CHST15: variants seen among roughly 807,000 people sequenced by gnomAD.
The protein encoded by CHST15 is B cell RAG associated protein (GALNAC4S-6ST).
In CHST15, 30 loss-of-function variants were observed where a neutral mutation model predicts 53.6. The observed-to-expected ratio is 0.56, with a 90% CI of 0.42 to 0.76. The LOEUF is 0.76. Among genes scored for constraint, CHST15 ranks in the 30% least tolerant of loss-of-function variants. CHST15 has a pLI of 0.00. For missense variants in CHST15, 627 were observed against 740.5 expected (o/e 0.85, Z 1.78); for synonymous variants, 296 against 289.8 (o/e 1.02, Z -0.22).
intron 3 of CHST15, among the ~76,000 whole-genome samples, chr10:124,044,135 G>A (rs1427646683): frequency 2.1e-5 from 3 of 141,670 alleles, no homozygotes; most frequent in Admixed American, 8.1e-5. Flanking sequence ...CAGAGCAGAG[G>A]ACCGGCACAG....
intron 6 of CHST15, chr10:124,020,165 C>T (rs28711893): frequency 0.033 from 32,800 of 985,508 alleles, 1,024 homozygotes; most frequent in East Asian, 0.26. Flanking sequence ...CAAGAATGAA[C>T]GCAGGAATGC....
At chr10:124,014,766 C>T (rs1946534583) in intron 6 of CHST15, among the ~76,000 whole-genome samples, 1 of 152,168 alleles carries the variant, frequency 6.6e-6, no homozygotes, top group African/African-American at 2.4e-5. Context: ...TTGTGGCAGG[C>T]TGGGGTGTTT....
intron 1 of CHST15, among the ~76,000 whole-genome samples, chr10:124,080,059 ATGTTGGGGTTTTGCTT>A (rs1428991563): frequency 6.6e-6 from 1 of 152,046 alleles, no homozygotes; most frequent in Admixed American, 6.5e-5. Context: ...GAGGACAGGG[ATGTTGGGGTTTTGCTT>A]TGTTTTTTGC....
At chr10:124,071,914 C>A (rs1948928591) in intron 1 of CHST15, among the ~76,000 whole-genome samples, 1 of 152,248 alleles carries the variant, frequency 6.6e-6, no homozygotes, top group Admixed American at 6.5e-5. Context: ...GAGCAGCAGA[C>A]ACAGAGCTTG....
intron 1 of CHST15, among the ~76,000 whole-genome samples, chr10:124,056,623 C>T (rs779515956): frequency 5.3e-5 from 8 of 152,242 alleles, no homozygotes; most frequent in Admixed American, 3.3e-4. Context: ...TGTCAGTTAC[C>T]TTTGCAGCTG....
intron 5 of CHST15, among the ~76,000 whole-genome samples, chr10:124,027,739 G>A (rs1947067643): frequency 6.6e-6 from 1 of 152,264 alleles, no homozygotes; most frequent in East Asian, 1.9e-4. Context: ...CCATTTTACT[G>A]GGGGAGAAGG....
chr10:124,038,699 C>G, intron 4 of CHST15, 28 bp from the exon 5 acceptor site: 1 of 1,609,844 alleles, frequency 6.2e-7, no homozygotes, highest in Non-Finnish European at 8.5e-7. Flanking sequence ...TCCAAGTGAG[C>G]AGGGGTGTGA....
At chr10:124,011,465 A>T in intron 7 of CHST15, 2 of 985,480 alleles carry the variant, frequency 2.0e-6, no homozygotes, top group Non-Finnish European at 2.4e-6. Context: ...CCCAAGTCCC[A>T]GTGGCAGGCA....
At chr10:124,056,002 T>A (rs991564754) in intron 1 of CHST15, among the ~76,000 whole-genome samples, 1 of 152,180 alleles carries the variant, frequency 6.6e-6, no homozygotes, top group Non-Finnish European at 1.5e-5. Context: ...TGCGGGTACC[T>A]GCATCCAGCC....
intron 3 of CHST15, among the ~76,000 whole-genome samples, chr10:124,044,159 ACAGAGCTTGGGAGCG>A (rs1462539638): frequency 4.1e-5 from 6 of 147,232 alleles, no homozygotes; most frequent in South Asian, 2.1e-4. Flanking sequence ...AGGAAACGGC[ACAGAGCTTGGGAGCG>A]GCACAGAGCT....
chr10:124,045,672 A>G lies in CHST15; in HGVS notation c.541T>C (p.Leu181=). 1 of 1,587,792 alleles carries G rather than the reference A, an allele frequency of 6.3e-7. No individual in the cohort carries two copies. The highest frequency in any genetic ancestry group is 8.6e-7 in the Non-Finnish European group (1 of 1,166,702). The part of the protein sequence containing the change: ...PDLEDLKKQE[L]HMFSVIPNKF... ...ATTAGCACAAAGCTACTCACATGCA[A>G]CTCCTGCTTCTTAAGGTCTTCTAAG... is the stretch of plus-strand genomic sequence containing the variant. Residue 181 remains leucine (L), a synonymous_variant, in exon 2 of 8, where the codon TTG becomes CTG. Coordinates refer to ENST00000435907, the MANE Select transcript of CHST15 (RefSeq NM_001270764.2).
At chr10:124,067,001 A>C (rs899816142) in intron 1 of CHST15, among the ~76,000 whole-genome samples, 2 of 152,256 alleles carry the variant, frequency 1.3e-5, no homozygotes, top group Non-Finnish European at 2.9e-5. Flanking sequence ...CAGAGGGGCC[A>C]TTTGCACATT....
chr10:124,049,612 G>A (rs1948122929), intron 1 of CHST15, among the ~76,000 whole-genome samples: 2 of 152,174 alleles, frequency 1.3e-5, no homozygotes, highest in Non-Finnish European at 2.9e-5. Context: ...TGGATCCTTC[G>A]AGGTGCTGGG....
At chr10:124,020,821 T>G in intron 6 of CHST15, 1 of 1,187,704 alleles carries the variant, frequency 8.4e-7, no homozygotes, top group Non-Finnish European at 1.0e-6. Context: ...ACAGAAAATG[T>G]TTTTCAATTG....
chr10:124,051,405 C>G (rs1948191877), intron 1 of CHST15, among the ~76,000 whole-genome samples: 1 of 152,150 alleles, frequency 6.6e-6, no homozygotes, highest in South Asian at 2.1e-4. Flanking sequence ...TGTATCTGGC[C>G]TTTTCCGTAG....
In CHST15 at chr10:124,008,238, A is replaced by T; in HGVS notation, c.*1911T>A. 1.6e-6 allele frequency: 2 copies of T among 1,215,008 alleles called. No homozygotes were observed. The allele number at this position is 1,215,008 out of a possible 1,614,324, so 75.3% of individuals were successfully genotyped here. On this transcript the variant is annotated 3_prime_UTR_variant, in exon 8 of 8. Coordinates refer to ENST00000435907, the MANE Select transcript of CHST15 (RefSeq NM_001270764.2). ...AATATGTACTGAAAATGACAAGTTA[A>T]TTGGCAGAGAAATTAATCTATAAAA...
chr10:124,014,551 A>C (rs760853769), intron 6 of CHST15, among the ~76,000 whole-genome samples: 1 of 152,180 alleles, frequency 6.6e-6, no homozygotes, highest in Non-Finnish European at 1.5e-5. Context: ...CTCAGAAATA[A>C]ACATGTGTTG....
At chr10:124,058,515 C>G (rs1948458771) in intron 1 of CHST15, among the ~76,000 whole-genome samples, 1 of 152,220 alleles carries the variant, frequency 6.6e-6, no homozygotes, top group Non-Finnish European at 1.5e-5. Context: ...TGTGTGGCTG[C>G]AAAGCCTGTG....
At chr10:124,010,375 G>T in intron 7 of CHST15, 36 bp from the exon 8 acceptor site, 1 of 1,511,522 alleles carries the variant, frequency 6.6e-7, no homozygotes. Flanking sequence ...TAAGGCAGGA[G>T]GCATGGCAGG....
Sources: gnomAD v4.1 joint callset for allele counts (sites outside exome capture counted in the v4.1 genomes callset) on GRCh38, gnomAD v4.1.1 for gene constraint, MANE v1.5 for transcripts, NCBI Gene and HGNC (gene_info 2026-07-23, HGNC 2026-07-21) for gene names.